Variants in ZNF665 observed in about 807,000 individuals in gnomAD.
ZNF665 encodes zinc finger protein 665.
ZNF665 carries 6 observed loss-of-function variants against 7.9 expected under a neutral mutation model. The ratio of observed to expected loss-of-function variants is 0.76; its 90% CI spans 0.42 to 1.50. The LOEUF is 1.50. Ranked by LOEUF, ZNF665 falls within the 40% of genes most tolerant of loss-of-function variation. ZNF665 has a pLI of 0.01. For missense variants in ZNF665, 819 were observed against 806.7 expected (o/e 1.02, Z -0.18); for synonymous variants, 242 against 274.5 (o/e 0.88, Z 1.17).
At chr19:53,181,588 GAACT>G (rs1396300048) in intron 2 of ZNF665, 4 of 152,134 alleles carry the variant, frequency 2.6e-5, no homozygotes, top group African/African-American at 4.8e-5. Context: ...TGAAGTTTAA[GAACT>G]AATAACAATA....
intron 1 of ZNF665, among the ~76,000 whole-genome samples, chr19:53,189,744 A>T (rs892506205): frequency 3.3e-5 from 5 of 150,006 alleles, no homozygotes; most frequent in Non-Finnish European, 7.4e-5. Context: ...CAAGAGGTGG[A>T]GGAGTAGAGT....
Position 53,164,367 on chromosome 19 carries a change from A to ACCTC in ZNF665, c.*82_*85dup, listed in dbSNP as rs1207576681. ...TGGCCAGCCTGGTCTCGAACTCGAG[A>ACCTC]CCTCAGGTGATCCCCCCGCCTCGGC... is the stretch of plus-strand genomic sequence containing the variant. On this transcript the variant is annotated 3_prime_UTR_variant, in exon 4 of 4. Coordinates refer to ENST00000396424, the MANE Select transcript of ZNF665 (RefSeq NM_024733.5). The ACCTC allele has an allele frequency of 2.8e-5, 31 of 1,088,660 alleles. No homozygotes were observed. The African/African-American group carries it at 4.3e-4, about 15-fold the overall frequency. 67.4% of individuals were successfully genotyped at this position (1,088,660 alleles called of 1,614,324 possible). A position where few individuals can be genotyped will look rare whatever the true frequency, so the allele number is the denominator to read the frequency against.
At chr19:53,172,616 G>A (rs915770453) in intron 3 of ZNF665, among the ~76,000 whole-genome samples, 3 of 152,090 alleles carry the variant, frequency 2.0e-5, no homozygotes, top group African/African-American at 7.2e-5. Flanking sequence ...TGTGAGACCA[G>A]GGGTTTGAGA....
intron 2 of ZNF665, among the ~76,000 whole-genome samples, chr19:53,176,517 T>A (rs570482328): frequency 6.6e-6 from 1 of 152,320 alleles, no homozygotes; most frequent in East Asian, 1.9e-4. Flanking sequence ...TTCCCCTGAA[T>A]TCTGTGAGCC....
At chr19:53,182,583 T>A in intron 2 of ZNF665, 2 of 717,398 alleles carry the variant, frequency 2.8e-6, no homozygotes, top group Non-Finnish European at 5.0e-6. Flanking sequence ...TTCAAATATG[T>A]CCTGAACAAT....
At chr19:53,176,872 C>A in intron 2 of ZNF665, among the ~76,000 whole-genome samples, 1 of 152,232 alleles carries the variant, frequency 6.6e-6, no homozygotes, top group South Asian at 2.1e-4. Context: ...GTAATCCCAG[C>A]ACTTTGGGAG....
At chr19:53,188,951 G>C (rs975506709) in intron 1 of ZNF665, among the ~76,000 whole-genome samples, 2 of 152,016 alleles carry the variant, frequency 1.3e-5, no homozygotes, top group African/African-American at 4.8e-5. Flanking sequence ...GCTTGCCTCA[G>C]CCTCCCAAAG....
chr19:53,164,614 A>G lies in ZNF665; in HGVS notation c.1876T>C (p.Tyr626His), dbSNP rs774081163. ...HRRIHTGEKP[Y>H]RCNECGKAFS... The stretch of plus-strand genomic sequence containing the variant: ...GCTTTCCCACACTCATTACACCTAT[A>G]AGGTTTTTCTCCAGTGTGAATTCTT... The change falls in exon 4 of 4, where the codon TAT (tyrosine) becomes CAT (histidine). Residue 626 changes from tyrosine (Y) to histidine (H), a missense_variant. Physicochemically the swap from Tyr to His is moderately conservative, Grantham distance 83. Transcript: ENST00000396424. 2 of 1,614,036 alleles carry G rather than the reference A, an allele frequency of 1.2e-6. No homozygotes were observed. The highest frequency in any genetic ancestry group is 2.7e-5 in the African/African-American group (2 of 74,924).
chr19:53,190,655 C>T (rs949893142), intron 1 of ZNF665, among the ~76,000 whole-genome samples: 3 of 152,230 alleles, frequency 2.0e-5, no homozygotes, highest in African/African-American at 4.8e-5. Flanking sequence ...TTAGGTAGGC[C>T]GGGTGCGGTA....
rs1365743082 is a variant in ZNF665 at position 53,178,082 on chromosome 19, T to A, written c.16-2511A>T. On this transcript the variant is annotated intron_variant, in intron 2 of 3. Transcript: ENST00000396424. ...TAGGCGGTTTGGAATGCTAAAGCAT[T>A]AAGGAAGGCTACATAGTCAAGAAGA... Among the ~76,000 whole-genome samples, 3 of 152,300 alleles carry A rather than the reference T, an allele frequency of 2.0e-5. No individual in the cohort carries two copies. In the East Asian group the frequency reaches 5.8e-4, roughly 29 times the overall value.
At chr19:53,166,635 T>C (rs966069860) in intron 3 of ZNF665, among the ~76,000 whole-genome samples, 1 of 152,206 alleles carries the variant, frequency 6.6e-6, no homozygotes, top group Non-Finnish European at 1.5e-5. Context: ...TTTTCAACCA[T>C]GACCCAAGGC....
rs143453119 is a variant in ZNF665, at chr19:53,178,057, T to G, written c.16-2486A>C. On this transcript the variant is annotated intron_variant, in intron 2 of 3. Coordinates refer to ENST00000396424, the MANE Select transcript of ZNF665 (RefSeq NM_024733.5). The stretch of plus-strand genomic sequence containing the variant: ...TGAATAATCTTCCAAAGAGGGTAAG[T>G]AGGCGGTTTGGAATGCTAAAGCATT... Among the ~76,000 whole-genome samples, 42 of 152,258 alleles carry G rather than the reference T, an allele frequency of 2.8e-4. No individual in the cohort carries two copies. The East Asian group carries it at 8.1e-3, about 29-fold the overall frequency.
intron 1 of ZNF665, among the ~76,000 whole-genome samples, chr19:53,190,761 C>T (rs576645824): frequency 6.6e-6 from 1 of 152,230 alleles, no homozygotes; most frequent in Non-Finnish European, 1.5e-5. Context: ...TGGTGAACCC[C>T]CTTCTCTACT....
At chr19:53,189,681 C>T (rs1174816100) in intron 1 of ZNF665, among the ~76,000 whole-genome samples, 14 of 148,492 alleles carry the variant, frequency 9.4e-5, no homozygotes, top group East Asian at 3.9e-4. Flanking sequence ...CACAGGGAGA[C>T]GGTTAGGCCT....
chr19:53,170,344 G>A (rs915704347), intron 3 of ZNF665, among the ~76,000 whole-genome samples: 1 of 152,170 alleles, frequency 6.6e-6, no homozygotes, highest in African/African-American at 2.4e-5. Context: ...TATATAGAAT[G>A]TGGAATGATG....
At chr19:53,173,678 T>C (rs2146855667) in intron 3 of ZNF665, among the ~76,000 whole-genome samples, 1 of 152,214 alleles carries the variant, frequency 6.6e-6, no homozygotes, top group East Asian at 1.9e-4. Context: ...TAGCATTTTT[T>C]ACTCTTTTTA....
chr19:53,179,209 T>C lies in ZNF665; in HGVS notation c.16-3638A>G, dbSNP rs556593391. Among the ~76,000 whole-genome samples the C allele has an allele frequency of 2.1e-4, 32 of 151,972 alleles. No individual in the cohort carries two copies. In the South Asian group the frequency reaches 6.4e-3, roughly 31 times the overall value. On this transcript the variant is annotated intron_variant, in intron 2 of 3. Coordinates refer to ENST00000396424, the MANE Select transcript of ZNF665 (RefSeq NM_024733.5). ...TAACACGGTGAAACCCCGTCTCTAC[T>C]AAAAATACAAAAATAAATTAGCCAG... is the stretch of plus-strand genomic sequence containing the variant.
Position 53,166,125 on chromosome 19 carries a change from CCAG to C in ZNF665, c.362_364del (p.Pro121_Gly122delinsArg), listed in dbSNP as rs1288781209. 2 of 1,613,694 alleles carry C rather than the reference CCAG, an allele frequency of 1.2e-6. No individual in the cohort carries two copies. The highest frequency in any genetic ancestry group is 1.7e-6 in the Non-Finnish European group (2 of 1,179,832). ...CCTTCTATCACGTTGAGCTCTTCTA[CCAG>C]GGAGATTTTCTTTTTGCAACATAAG... On this transcript the variant is annotated inframe_deletion, in exon 4 of 4. Coordinates refer to ENST00000396424, the MANE Select transcript of ZNF665 (RefSeq NM_024733.5).
intron 3 of ZNF665, among the ~76,000 whole-genome samples, chr19:53,172,579 C>G (rs34525765): frequency 0.16 from 24,860 of 151,998 alleles, 2,342 homozygotes; most frequent in Middle Eastern, 0.21. Flanking sequence ...AATCTCAGCA[C>G]TTTGGGAGGC....
Sources: gnomAD v4.1 joint callset for allele counts (sites outside exome capture counted in the v4.1 genomes callset) on GRCh38, gnomAD v4.1.1 for gene constraint, MANE v1.5 for transcripts, NCBI Gene and HGNC (gene_info 2026-07-23, HGNC 2026-07-21) for gene names.